MICALL1: variants seen among roughly 807,000 people sequenced by gnomAD.
The protein encoded by MICALL1 is MICAL like 1.
MICALL1 carries 61 observed loss-of-function variants against 83.7 expected under a neutral mutation model. The observed-to-expected ratio is 0.73, with a 90% confidence interval of 0.59 to 0.90. MICALL1 has a LOEUF of 0.90. MICALL1 is among the 40% of genes least tolerant of loss of function. The pLI is 0.00. For synonymous variants in MICALL1, 481 were observed against 473.6 expected (o/e 1.02, Z -0.20); for missense variants, 1,066 against 1,152.0 (o/e 0.93, Z 1.08).
chr22:37,940,065 G>A (rs1056351133), intron 15 of MICALL1, among the ~76,000 whole-genome samples: 4 of 152,040 alleles, frequency 2.6e-5, no homozygotes, highest in African/African-American at 9.7e-5. Flanking sequence ...CTCCAGCCTG[G>A]GCGACAGAGA....
Position 37,933,092 on chromosome 22 carries a change from G to T in MICALL1, c.2288G>T (p.Arg763Leu). The stretch of plus-strand genomic sequence containing the variant: ...CAGGCTGATGTCGAGTATGAGCTCC[G>T]GTGCCTCCTCAATAAGCCAGGTGAG... Reference protein sequence around the residue: ...QRQADVEYELRCLLNKPEKDW... With the variant: ...QRQADVEYELLCLLNKPEKDW... Residue 763 changes from arginine to leucine, a missense_variant, in exon 13 of 16, where the codon CGG becomes CTG. Coordinates refer to ENST00000215957, the MANE Select transcript of MICALL1 (RefSeq NM_033386.4). The T allele has an allele frequency of 6.2e-7, 1 of 1,613,890 alleles. No individual in the cohort carries two copies. Among genetic ancestry groups the T allele is most frequent in the Middle Eastern group, 1.6e-4 (1 of 6,062 alleles).
At chr22:37,940,224 G>A (rs551906592) in intron 15 of MICALL1, among the ~76,000 whole-genome samples, 4 of 151,898 alleles carry the variant, frequency 2.6e-5, no homozygotes, top group Non-Finnish European at 2.9e-5. Flanking sequence ...AGGAGATCGA[G>A]AGCATTCTGG....
chr22:37,931,135 G>C (rs914905944), intron 9 of MICALL1, among the ~76,000 whole-genome samples: 1 of 152,232 alleles, frequency 6.6e-6, no homozygotes. Flanking sequence ...TCTCACCCCA[G>C]CTTGGGCTCA....
Position 37,921,983 on chromosome 22 carries a change from G to A in MICALL1, c.581G>A (p.Cys194Tyr), listed in dbSNP as rs1929060668. The A allele has an allele frequency of 6.4e-7, 1 of 1,573,204 alleles. No individual in the cohort carries two copies. The highest frequency in any genetic ancestry group is 1.2e-5 in the South Asian group (1 of 86,060). ...CTGTCCCCTGCCAGGTGTCGGCGGTGCTCCAGCACCCTGCTCCCTGGGGCT... is the reference window on the plus strand; with the variant it reads ...CTGTCCCCTGCCAGGTGTCGGCGGTACTCCAGCACCCTGCTCCCTGGGGCT... Reference protein sequence around the residue: ...YHRHCFRCRRCSSTLLPGAYE... With the variant: ...YHRHCFRCRRYSSTLLPGAYE... The change falls in exon 6 of 16, where the codon TGC (cysteine) becomes TAC (tyrosine). Residue 194 changes from cysteine (C) to tyrosine (Y), a missense_variant. Physicochemically the swap from Cys to Tyr is radical, Grantham distance 194 (BLOSUM62 -2). Transcript: ENST00000215957.
rs1466810440 is a variant in MICALL1 at position 37,941,449 on chromosome 22, C to G, written c.*619C>G. The G allele has an allele frequency of 2.0e-5, 3 of 152,520 alleles. No individual in the cohort carries two copies. The highest frequency in any genetic ancestry group is 4.4e-5 in the Non-Finnish European group (3 of 68,284). 9.4% of individuals were successfully genotyped at this position (152,520 alleles called of 1,614,324 possible). ...ATCCATCCCTCTCTCCCTCACAGTT[C>G]CAGGAGCGGCTTCCCTCGTCTCCCC... On this transcript the variant is annotated 3_prime_UTR_variant, in exon 16 of 16. Transcript: ENST00000215957.
At chr22:37,917,267 A>T (rs1001445294) in intron 3 of MICALL1, among the ~76,000 whole-genome samples, 9 of 152,130 alleles carry the variant, frequency 5.9e-5, no homozygotes, top group Non-Finnish European at 1.2e-4. Context: ...CCACTTGGGG[A>T]TAGGCAGGAC....
intron 9 of MICALL1, among the ~76,000 whole-genome samples, chr22:37,929,256 C>T (rs1206643866): frequency 6.6e-6 from 1 of 152,194 alleles, no homozygotes; most frequent in Non-Finnish European, 1.5e-5. Context: ...CCTGGGTCTC[C>T]CCGCCATGGA....
chr22:37,931,732 T>C lies in MICALL1; in HGVS notation c.1882-67T>C, dbSNP rs567360502. 5.2e-5 allele frequency: 83 copies of C among 1,586,796 alleles called. No homozygotes were observed. The African/African-American group carries it at 6.7e-4, about 13-fold the overall frequency. ...GGCCTGCTTTCCATGTTCCCAAATA[T>C]GAGGCTGCTGGGGTCTCACGTGCCC... is the stretch of plus-strand genomic sequence containing the variant. On this transcript the variant is annotated intron_variant, in intron 9 of 15. Coordinates refer to ENST00000215957, the MANE Select transcript of MICALL1 (RefSeq NM_033386.4).
rs192009324 is a variant in MICALL1, at chr22:37,932,326, A to G, written c.2017-227A>G. Among the ~76,000 whole-genome samples, 1 of 152,328 alleles carries G rather than the reference A, an allele frequency of 6.6e-6. No individual in the cohort carries two copies. Among genetic ancestry groups the G allele is most frequent in the East Asian group, 1.9e-4 (1 of 5,176 alleles). On this transcript the variant is annotated intron_variant, in intron 10 of 15. Coordinates refer to ENST00000215957, the MANE Select transcript of MICALL1 (RefSeq NM_033386.4). This position sits in a 1 kb window ranked among gnomAD's most constrained non-coding sequence, Gnocchi z 4.4. ...GCGTTTCCGTGAAGGGCAGGGAGTCATGCCACCTTCTGGAGTGTCTGTTGG... is the reference window on the plus strand; with the variant it reads ...GCGTTTCCGTGAAGGGCAGGGAGTCGTGCCACCTTCTGGAGTGTCTGTTGG...
Position 37,906,555 on chromosome 22 carries a change from C to T in MICALL1, c.133C>T (p.Arg45Trp), listed in dbSNP as rs1163721918. ...CTTCTGCGCCATCCTGCACCGGCACCGGCCCGACCTGCTGTGAGTGCGGGG... is the reference window on the plus strand; with the variant it reads ...CTTCTGCGCCATCCTGCACCGGCACTGGCCCGACCTGCTGTGAGTGCGGGG... The part of the protein sequence containing the change: ...LAFCAILHRH[R>W]PDLLDFDSLS... Residue 45 changes from arginine to tryptophan, a missense_variant, in exon 1 of 16, where the codon CGG becomes TGG. Transcript: ENST00000215957. The surrounding 1 kb of genome is among the most constrained non-coding windows in gnomAD (Gnocchi z 4.4). The T allele has an allele frequency of 8.5e-7, 1 of 1,180,678 alleles. No homozygotes were observed. The highest frequency in any genetic ancestry group is 3.9e-5 in the East Asian group (1 of 25,456). The allele number at this position is 1,180,678 out of a possible 1,614,324, so 73.1% of individuals were successfully genotyped here. A position where few individuals can be genotyped will look rare whatever the true frequency, so the allele number is the denominator to read the frequency against.
rs751768695 is a variant in MICALL1, at chr22:37,922,198, G to A, written c.796G>A (p.Glu266Lys). ...CAGCTCCAGTGCTCCTGCAGGGGCT[G>A]AGGCCGATGGACCCAAGGCCAGCCC... The part of the protein sequence containing the change: ...GPSSSAPAGA[E>K]ADGPKASPEA... The change falls in exon 6 of 16, where the codon GAG (glutamate) becomes AAG (lysine). Residue 266 changes from glutamate (E) to lysine (K), a missense_variant. Physicochemically the swap from Glu to Lys is moderately conservative, Grantham distance 56. Coordinates refer to ENST00000215957, the MANE Select transcript of MICALL1 (RefSeq NM_033386.4). 2.5e-6 allele frequency: 4 copies of A among 1,611,990 alleles called. No individual in the cohort carries two copies. The highest frequency in any genetic ancestry group is 3.4e-6 in the Non-Finnish European group (4 of 1,179,680).
In MICALL1 at chr22:37,925,751, CCCGGGGCCACCAAG is replaced by C; in HGVS notation, c.1176_1189del (p.Pro394GlnfsTer27). On this transcript the variant is annotated frameshift_variant, in exon 8 of 16. Coordinates refer to ENST00000215957, the MANE Select transcript of MICALL1 (RefSeq NM_033386.4). LOFTEE classifies it high-confidence loss of function. ...CAGCCCCACTTCCCCCAAGCAGCAG[CCCGGGGCCACCAAG>C]CCAGGACAGCAGGCAGGTGGAGAAT... 1 of 1,612,638 alleles carries C rather than the reference CCCGGGGCCACCAAG, an allele frequency of 6.2e-7. No homozygotes were observed. Among genetic ancestry groups the C allele is most frequent in the South Asian group, 1.1e-5 (1 of 91,014 alleles).
chr22:37,926,862 G>C (rs80229799), intron 8 of MICALL1: 2,319 of 154,750 alleles, frequency 0.015, 56 homozygotes, highest in African/African-American at 0.052. Context: ...AGGAGCATGA[G>C]CTCTGGAGTC....
Position 37,927,838 on chromosome 22 carries a change from C to A in MICALL1, c.1881+12C>A. On this transcript the variant is annotated intron_variant, in intron 9 of 15. Coordinates refer to ENST00000215957, the MANE Select transcript of MICALL1 (RefSeq NM_033386.4). ...AGCTGCAGGTAAAGGTGAGTGCCCC[C>A]TCACCCTCACTAAAAGTGACATCCT... 6.3e-7 allele frequency: 1 copy of A among 1,587,560 alleles called. No individual in the cohort carries two copies. Among genetic ancestry groups the A allele is most frequent in the South Asian group, 1.1e-5 (1 of 88,710 alleles).
chr22:37,937,011 C>T, intron 13 of MICALL1, 69 bp from the exon 14 acceptor site: 1 of 1,350,664 alleles, frequency 7.4e-7, no homozygotes, highest in South Asian at 1.3e-5. Context: ...TAGGCAGTGG[C>T]TCCTGGTGGC....
At chr22:37,919,998 CTT>C (rs931053716) in intron 5 of MICALL1, among the ~76,000 whole-genome samples, 1 of 151,832 alleles carries the variant, frequency 6.6e-6, no homozygotes, top group Admixed American at 6.6e-5. Flanking sequence ...AAAAAAAAAT[CTT>C]TTTTTCTTTT....
chr22:37,934,619 C>G (rs1474667078), intron 13 of MICALL1, among the ~76,000 whole-genome samples: 1 of 149,850 alleles, frequency 6.7e-6, no homozygotes, highest in Non-Finnish European at 1.5e-5. Context: ...TTTTTTGAGA[C>G]AGAGTCTCAC....
Position 37,922,426 on chromosome 22 carries a change from G to A in MICALL1, c.1024G>A (p.Gly342Arg), listed in dbSNP as rs1222598999. The stretch of plus-strand genomic sequence containing the variant: ...GGCTGGCAGCAGCAGCCTGGTGAAC[G>A]GTGAGCAGGGTGCAGTCAGGGCAGG... The part of the protein sequence containing the change: ...EQAGSSSLVN[G>R]RLHELPVPKP... Residue 342 changes from glycine to arginine, a missense_variant and splice_region_variant, in exon 6 of 16, where the codon GGG (glycine) becomes AGG (arginine). Physicochemically the swap from Gly to Arg is moderately radical, Grantham distance 125. Transcript: ENST00000215957. 9 of 1,514,446 alleles carry A rather than the reference G, an allele frequency of 5.9e-6. No homozygotes were observed. Among genetic ancestry groups the A allele is most frequent in the African/African-American group, 1.4e-5 (1 of 72,252 alleles). 93.8% of individuals were successfully genotyped at this position (1,514,446 alleles called of 1,614,324 possible). A position where few individuals can be genotyped will look rare whatever the true frequency, so the allele number is the denominator to read the frequency against.
At chr22:37,912,918 C>T (rs937719702) in intron 3 of MICALL1, among the ~76,000 whole-genome samples, 1 of 151,814 alleles carries the variant, frequency 6.6e-6, no homozygotes, top group East Asian at 1.9e-4. Context: ...GCCTTGGCCT[C>T]CCCAAGTGCT....
Sources: gnomAD v4.1 joint callset for allele counts (sites outside exome capture counted in the v4.1 genomes callset) on GRCh38, gnomAD v4.1.1 for gene constraint, Gnocchi (gnomAD v3.1) non-coding constraint, MANE v1.5 for transcripts, NCBI Gene and HGNC (gene_info 2026-07-23, HGNC 2026-07-21) for gene names.